Variants in SLC9A9 observed in about 807,000 individuals in gnomAD.
SLC9A9 encodes the protein sodium/hydrogen exchanger 9.
In SLC9A9, 62 loss-of-function variants were observed where a neutral mutation model predicts 77.8. The observed-to-expected ratio is 0.80, with a 90% CI of 0.65 to 0.98. The LOEUF (loss-of-function observed/expected upper bound fraction) is 0.98. Among genes scored for constraint, SLC9A9 ranks in the 50% least tolerant of loss-of-function variants. The pLI is 0.00. For missense variants in SLC9A9, 775 were observed against 774.9 expected, an observed-to-expected ratio of 1.00 and a Z score of 0.00; for synonymous variants, 320 against 283.5, an observed-to-expected ratio of 1.13 and a Z score of -1.29.
At position 143,678,891 on chromosome 3, in the gene SLC9A9, CG is replaced by C. The variant is rs545472584; in HGVS notation, c.649+14300del. On this transcript the variant is annotated intron_variant, in intron 5 of 15. Coordinates refer to ENST00000316549, the MANE Select transcript of SLC9A9 (RefSeq NM_173653.4). ...CCAAGATGGTGAACTATAATAGCAT[CG>C]GCTACTGCTTTCCTCCACAAAGTCA... Among the ~76,000 whole-genome samples, 186 of 152,250 alleles carry C rather than the reference CG, an allele frequency of 1.2e-3. 1 individual carries two copies. The highest frequency in any genetic ancestry group is 4.3e-3 in the African/African-American group (177 of 41,528).
chr3:143,599,524 G>A (rs942784267), intron 6 of SLC9A9, among the ~76,000 whole-genome samples: 3 of 151,884 alleles, frequency 2.0e-5, no homozygotes, highest in African/African-American at 7.3e-5. Flanking sequence ...AGAAGCCGTG[G>A]GGCTTTATGA....
intron 9 of SLC9A9, among the ~76,000 whole-genome samples, chr3:143,498,888 T>G (rs1003275687): frequency 1.3e-5 from 2 of 152,204 alleles, no homozygotes; most frequent in African/African-American, 4.8e-5. Context: ...TGTATTTAGT[T>G]CATTTAAAAA....
chr3:143,563,930 A>G (rs1330043674), intron 8 of SLC9A9, among the ~76,000 whole-genome samples: 1 of 152,138 alleles, frequency 6.6e-6, no homozygotes, highest in Non-Finnish European at 1.5e-5. Flanking sequence ...TAGATTACCC[A>G]GTGTCTCCCT....
At chr3:143,542,590 C>G (rs1398878161) in intron 9 of SLC9A9, among the ~76,000 whole-genome samples, 1 of 152,142 alleles carries the variant, frequency 6.6e-6, no homozygotes, top group African/African-American at 2.4e-5. Context: ...AGGAAACACG[C>G]AAGTAATGGA....
At chr3:143,361,908 A>C (rs754008728) in intron 14 of SLC9A9, among the ~76,000 whole-genome samples, 3 of 151,924 alleles carry the variant, frequency 2.0e-5, no homozygotes, top group Non-Finnish European at 2.9e-5. Context: ...TAGCATTGTC[A>C]GAATTTGAAC....
chr3:143,269,736 C>T (rs925339155), intron 14 of SLC9A9, among the ~76,000 whole-genome samples: 5 of 152,180 alleles, frequency 3.3e-5, no homozygotes, highest in Non-Finnish European at 7.3e-5. Flanking sequence ...TCAGAAATGA[C>T]TTTTAAGCTT....
chr3:143,470,742 A>T (rs745526219), intron 11 of SLC9A9, among the ~76,000 whole-genome samples: 1 of 152,206 alleles, frequency 6.6e-6, no homozygotes, highest in East Asian at 1.9e-4. Context: ...CAACTATTTC[A>T]TGCTGGATAT....
Position 143,826,870 on chromosome 3 carries a change from A to G in SLC9A9, c.378+5149T>C, listed in dbSNP as rs574409749. Among the ~76,000 whole-genome samples, 5 of 152,202 alleles carry G rather than the reference A, an allele frequency of 3.3e-5. No individual in the cohort carries two copies. The East Asian group carries it at 9.7e-4, about 29-fold the overall frequency. On this transcript the variant is annotated intron_variant, in intron 2 of 15. Coordinates refer to ENST00000316549, the MANE Select transcript of SLC9A9 (RefSeq NM_173653.4). ...TTCCTATTACCCTTAATAAGAGACC[A>G]TACTGTCCTGTTCTGGACGCCTGTG...
chr3:143,720,508 G>C (rs1476977802), intron 4 of SLC9A9, among the ~76,000 whole-genome samples: 1 of 152,166 alleles, frequency 6.6e-6, no homozygotes, highest in Non-Finnish European at 1.5e-5. Flanking sequence ...AAATGAGCAG[G>C]TGCAGAGTTT....
At chr3:143,828,017 G>A (rs1265937817) in intron 2 of SLC9A9, among the ~76,000 whole-genome samples, 1 of 152,112 alleles carries the variant, frequency 6.6e-6, no homozygotes, top group Admixed American at 6.5e-5. Flanking sequence ...CTCTGTCCAT[G>A]TGGCCTCTCA....
chr3:143,774,689 CA>C (rs1230495361), intron 4 of SLC9A9, among the ~76,000 whole-genome samples: 13 of 108,042 alleles, frequency 1.2e-4, no homozygotes, highest in Admixed American at 3.8e-4. Flanking sequence ...GTTGGAGAAT[CA>C]AAAGTTGAAC....
intron 2 of SLC9A9, among the ~76,000 whole-genome samples, chr3:143,831,717 A>G (rs941638864): frequency 6.6e-5 from 10 of 152,242 alleles, no homozygotes; most frequent in Admixed American, 5.9e-4. Flanking sequence ...ATCAAGTATC[A>G]GGAAAGGCAG....
At chr3:143,449,800 T>A (rs1481005302) in intron 12 of SLC9A9, among the ~76,000 whole-genome samples, 14 of 73,470 alleles carry the variant, frequency 1.9e-4, no homozygotes, top group Admixed American at 7.5e-4. Flanking sequence ...TATATATATT[T>A]TATATATATA....
intron 4 of SLC9A9, among the ~76,000 whole-genome samples, chr3:143,794,594 T>A (rs1431982899): frequency 6.6e-6 from 1 of 152,220 alleles, no homozygotes; most frequent in African/African-American, 2.4e-5. Flanking sequence ...TTGTAAACTT[T>A]CCTTTAGAAA....
chr3:143,499,934 C>T (rs2035899724), intron 9 of SLC9A9, among the ~76,000 whole-genome samples: 1 of 152,146 alleles, frequency 6.6e-6, no homozygotes, highest in East Asian at 1.9e-4. Flanking sequence ...CTTACTTGGT[C>T]ATTATATATT....
intron 12 of SLC9A9, among the ~76,000 whole-genome samples, chr3:143,434,809 A>G (rs1576494797): frequency 6.6e-6 from 1 of 152,180 alleles, no homozygotes; most frequent in East Asian, 1.9e-4. Context: ...CCTAGTCCCC[A>G]TCGTCCTCCA....
At chr3:143,748,841 C>A (rs1415962314) in intron 4 of SLC9A9, among the ~76,000 whole-genome samples, 4 of 151,408 alleles carry the variant, frequency 2.6e-5, no homozygotes, top group African/African-American at 9.7e-5. Context: ...GTAGCTGGGA[C>A]TACAGGCGCC....
At chr3:143,325,007 T>C (rs1456002209) in intron 14 of SLC9A9, among the ~76,000 whole-genome samples, 2 of 152,024 alleles carry the variant, frequency 1.3e-5, no homozygotes, top group Non-Finnish European at 2.9e-5. Context: ...TCCCAAATCC[T>C]TTACTCTGGC....
chr3:143,435,447 C>G (rs2034604470), intron 12 of SLC9A9, among the ~76,000 whole-genome samples: 1 of 152,120 alleles, frequency 6.6e-6, no homozygotes, highest in Non-Finnish European at 1.5e-5. Flanking sequence ...TAATTTAGTT[C>G]TTCAAAACTA....
Sources: allele counts gnomAD v4.1 joint callset (sites outside exome capture counted in the v4.1 genomes callset), GRCh38; gene constraint gnomAD v4.1.1; transcripts MANE v1.5; gene names NCBI Gene and HGNC (gene_info 2026-07-23, HGNC 2026-07-21).